Variants in COL27A1 observed in about 807,000 individuals in gnomAD.
COL27A1 encodes collagen type XXVII alpha 1 chain.
COL27A1 carries 106 observed loss-of-function variants against 251.3 expected under a neutral mutation model. That is an observed-to-expected ratio of 0.42 (90% confidence interval 0.36 to 0.50). The LOEUF (loss-of-function observed/expected upper bound fraction) is 0.50. Among genes scored for constraint, COL27A1 ranks in the 20% least tolerant of loss-of-function variants. The pLI is 0.00. For missense variants in COL27A1, 2,325 were observed against 2,522.8 expected (o/e 0.92, Z 1.68); for synonymous variants, 1,000 against 986.3 (o/e 1.01, Z -0.26).
At chr9:114,239,778 T>C (rs943735928) in intron 19 of COL27A1, among the ~76,000 whole-genome samples, 3 of 152,176 alleles carry the variant, frequency 2.0e-5, no homozygotes, top group Non-Finnish European at 2.9e-5. Context: ...ATTAAATCAG[T>C]GCTTTTCAAT....
intron 5 of COL27A1, among the ~76,000 whole-genome samples, chr9:114,190,185 C>A (rs1828655827): frequency 6.6e-6 from 1 of 152,346 alleles, no homozygotes; most frequent in African/African-American, 2.4e-5. Flanking sequence ...TTTATGTTGA[C>A]TTCTCTGGGC....
chr9:114,232,393 C>A (rs2135436572), intron 16 of COL27A1, among the ~76,000 whole-genome samples: 1 of 152,324 alleles, frequency 6.6e-6, no homozygotes, highest in African/African-American at 2.4e-5. Context: ...CCCTATCTCA[C>A]CCTGTGCCAA....
chr9:114,200,151 A>T (rs1588643749), intron 7 of COL27A1, among the ~76,000 whole-genome samples: 1 of 151,136 alleles, frequency 6.6e-6, no homozygotes, highest in East Asian at 1.9e-4. Flanking sequence ...TTTCTGCTGA[A>T]CTCCCGGTTC....
At chr9:114,156,067 G>A (rs1182562748) in intron 1 of COL27A1, 55 bp downstream of exon 1, 6 of 1,293,072 alleles carry the variant, frequency 4.6e-6, no homozygotes, top group Non-Finnish European at 5.9e-6. Flanking sequence ...TCCAATCTCG[G>A]GGAGGGCCGG....
chr9:114,280,341 T>C (rs1835826293), intron 37 of COL27A1, among the ~76,000 whole-genome samples: 1 of 152,048 alleles, frequency 6.6e-6, no homozygotes, highest in South Asian at 2.1e-4. Context: ...GTAGCTGGAT[T>C]ACAGGCGTGC....
chr9:114,173,969 G>A (rs1277311601), intron 3 of COL27A1, among the ~76,000 whole-genome samples: 1 of 124,192 alleles, frequency 8.1e-6, no homozygotes, highest in Admixed American at 9.2e-5. Context: ...GGGTTTGGGG[G>A]AGGACTGCCC....
intron 37 of COL27A1, among the ~76,000 whole-genome samples, chr9:114,279,259 G>A (rs1007335865): frequency 6.6e-6 from 1 of 152,188 alleles, no homozygotes; most frequent in Non-Finnish European, 1.5e-5. Flanking sequence ...GGCCCACAGA[G>A]GGCTTCCTCT....
chr9:114,259,698 C>T (rs1934318043), intron 28 of COL27A1, among the ~76,000 whole-genome samples: 1 of 152,176 alleles, frequency 6.6e-6, no homozygotes, highest in African/African-American at 2.4e-5. Flanking sequence ...GCCTTATTTT[C>T]AATCACACAG....
At chr9:114,292,033 C>A in intron 48 of COL27A1, 70 bp from the exon 49 acceptor site, 1 of 1,336,684 alleles carries the variant, frequency 7.5e-7, no homozygotes, top group Non-Finnish European at 1.1e-6. Context: ...TCTCCCAGGC[C>A]CCCTCCGCCT....
chr9:114,162,875 T>C (rs1848597920), intron 2 of COL27A1, 90 bp downstream of exon 2: 2 of 863,256 alleles, frequency 2.3e-6, no homozygotes, highest in East Asian at 2.5e-5. Context: ...GTGCCTGTAA[T>C]TGGAACTCAA....
chr9:114,289,194 G>A (rs375780758), intron 44 of COL27A1, 48 bp from the exon 45 acceptor site: 85 of 840,776 alleles, frequency 1.0e-4, no homozygotes, highest in Admixed American at 1.5e-4. Flanking sequence ...CACCCTCCCC[G>A]GGAGAGAATC....
At chr9:114,233,381 G>A (rs1285010297) in intron 16 of COL27A1, among the ~76,000 whole-genome samples, 1 of 152,142 alleles carries the variant, frequency 6.6e-6, no homozygotes, top group East Asian at 1.9e-4. Flanking sequence ...TTCTCTACCT[G>A]TTTCTACCTC....
chr9:114,236,710 A>G (rs1356915145), intron 17 of COL27A1, among the ~76,000 whole-genome samples: 1 of 152,166 alleles, frequency 6.6e-6, no homozygotes, highest in East Asian at 1.9e-4. Context: ...CAGAGGCACC[A>G]CAGAGCCTGC....
intron 49 of COL27A1, 97 bp from the exon 50 acceptor site, chr9:114,299,973 G>A: frequency 2.7e-6 from 3 of 1,130,446 alleles, no homozygotes; most frequent in Non-Finnish European, 2.7e-6. Flanking sequence ...CCCTGGAAAG[G>A]CTGGGAGGGA....
At chr9:114,172,877 C>T (rs961136035) in intron 3 of COL27A1, among the ~76,000 whole-genome samples, 1 of 152,186 alleles carries the variant, frequency 6.6e-6, no homozygotes, top group Admixed American at 6.5e-5. Context: ...TCTTTCCTCT[C>T]CCCAGGGCTC....
chr9:114,186,509 G>T (rs1828347922), intron 5 of COL27A1, among the ~76,000 whole-genome samples: 1 of 152,174 alleles, frequency 6.6e-6, no homozygotes, highest in African/African-American at 2.4e-5. Flanking sequence ...CCATGTGAGA[G>T]GCCCGGAGTG....
chr9:114,254,347 TCTC>T (rs1184440205), intron 27 of COL27A1, among the ~76,000 whole-genome samples: 3 of 147,396 alleles, frequency 2.0e-5, no homozygotes, highest in African/African-American at 7.6e-5. Flanking sequence ...AAGAGCCCCT[TCTC>T]CTTCCCAGGG....
chr9:114,243,145 G>T (rs1474399525), intron 22 of COL27A1, among the ~76,000 whole-genome samples: 1 of 152,188 alleles, frequency 6.6e-6, no homozygotes, highest in Non-Finnish European at 1.5e-5. Context: ...CGGGACCCCT[G>T]TAGTCCTCAG....
intron 59 of COL27A1, among the ~76,000 whole-genome samples, chr9:114,308,835 C>G (rs908507053): frequency 1.1e-4 from 16 of 152,226 alleles, no homozygotes; most frequent in African/African-American, 3.9e-4. Context: ...CGGCAGCACC[C>G]CATCGCACCT....
Sources: allele counts gnomAD v4.1 joint callset (sites outside exome capture counted in the v4.1 genomes callset), GRCh38; gene constraint gnomAD v4.1.1; transcripts MANE v1.5; gene names NCBI Gene and HGNC (gene_info 2026-07-23, HGNC 2026-07-21).